Variants in HGSNAT observed in about 807,000 individuals in gnomAD.
HGSNAT encodes transmembrane protein 76.
HGSNAT carries 59 observed loss-of-function variants against 85.2 expected under a neutral mutation model. The ratio of observed to expected loss-of-function variants is 0.69; its 90% confidence interval spans 0.56 to 0.86. The LOEUF (loss-of-function observed/expected upper bound fraction) is 0.86. Among genes scored for constraint, HGSNAT ranks in the 40% least tolerant of loss-of-function variants. HGSNAT has a pLI of 0.00. For synonymous variants in HGSNAT, 321 were observed against 304.5 expected (o/e 1.05, Z -0.56); for missense variants, 756 against 777.1 (o/e 0.97, Z 0.32).
chr8:43,199,414 G>A lies in HGSNAT; in HGVS notation c.1753G>A (p.Gly585Ser), dbSNP rs376476836. ...AATGAATTCCATTCTGGTATATGTC[G>A]GCCACGAGGTGTTTGAGAACTACTT... ...PGMNSILVYV[G>S]HEVFENYFPF... The change falls in exon 18 of 18, where the codon GGC becomes AGC. Residue 585 changes from glycine (G) to serine (S), a missense_variant. Coordinates refer to ENST00000379644, the MANE Select transcript of HGSNAT (RefSeq NM_152419.3). 17 of 1,604,594 alleles carry A rather than the reference G, an allele frequency of 1.1e-5. No homozygotes were observed. The highest frequency in any genetic ancestry group is 1.6e-4 in the Middle Eastern group (1 of 6,072).
At chr8:43,160,443 C>T (rs1803234609) in intron 4 of HGSNAT, among the ~76,000 whole-genome samples, 3 of 152,224 alleles carry the variant, frequency 2.0e-5, no homozygotes, top group Non-Finnish European at 4.4e-5. Context: ...GCAACAGGTA[C>T]ACTTTCAGTG....
At chr8:43,170,371 G>A (rs1164306783) in intron 6 of HGSNAT, among the ~76,000 whole-genome samples, 1 of 151,860 alleles carries the variant, frequency 6.6e-6, no homozygotes, top group Non-Finnish European at 1.5e-5. Context: ...TCACAGCTAC[G>A]CAGGAGGCTG....
At chr8:43,174,489 C>T (rs966363103) in intron 9 of HGSNAT, among the ~76,000 whole-genome samples, 10 of 152,148 alleles carry the variant, frequency 6.6e-5, no homozygotes, top group African/African-American at 9.7e-5. Context: ...TGTCTCTGAT[C>T]ATTCATAGCT....
At chr8:43,157,542 GAGGC>G (rs1803129489) in intron 2 of HGSNAT, among the ~76,000 whole-genome samples, 1 of 152,154 alleles carries the variant, frequency 6.6e-6, no homozygotes, top group Admixed American at 6.6e-5. Context: ...TTGAGAGGCT[GAGGC>G]AGGTGCATCA....
rs1554537807 is a variant in HGSNAT at position 43,197,838 on chromosome 8, A to T, written c.1614-2A>T. ...CTGAAACGTCTCCTCCACCCCTCCC[A>T]GGTCCCTTTCGTATGTCACTACGCT... On this transcript the variant is annotated splice_acceptor_variant, in intron 16 of 17. Transcript: ENST00000379644. LOFTEE classifies it high-confidence loss of function. 6.2e-7 allele frequency: 1 copy of T among 1,612,708 alleles called. No homozygotes were observed. The highest frequency in any genetic ancestry group is 8.5e-7 in the Non-Finnish European group (1 of 1,178,682).
chr8:43,150,866 T>TAAATAAATAAATAAATAAAA (rs1345243473), intron 2 of HGSNAT, among the ~76,000 whole-genome samples: 10 of 137,372 alleles, frequency 7.3e-5, no homozygotes, highest in African/African-American at 2.6e-4. Flanking sequence ...AATAAATAAA[T>TAAATAAATAAATAAATAAAA]AAAATAAAAT....
chr8:43,201,810 A>C lies in HGSNAT; in HGVS notation c.*2241A>C, dbSNP rs777173718. On this transcript the variant is annotated 3_prime_UTR_variant, in exon 18 of 18. Transcript: ENST00000379644. This position sits in a 1 kb window ranked among gnomAD's most constrained non-coding sequence, Gnocchi z 4.4. ...CCTTCTACATTGCAGGCGCTGAATA[A>C]ACATTTTTAAAGCAAAATGATGTGG... The C allele has an allele frequency of 6.6e-6, 1 of 152,200 alleles. No individual in the cohort carries two copies. The highest frequency in any genetic ancestry group is 1.5e-5 in the Non-Finnish European group (1 of 68,054). The allele number at this position is 152,200 out of a possible 1,614,324, so 9.4% of individuals were successfully genotyped here.
intron 11 of HGSNAT, among the ~76,000 whole-genome samples, chr8:43,186,216 C>G (rs1793909051): frequency 6.6e-6 from 1 of 152,160 alleles, no homozygotes. Context: ...AGGAATGGTA[C>G]CAGCTCCTCT....
chr8:43,174,379 G>A (rs911172666), intron 9 of HGSNAT: 4 of 152,068 alleles, frequency 2.6e-5, no homozygotes, highest in African/African-American at 9.7e-5. Flanking sequence ...ATTTCCTGAA[G>A]AATTACAGTA....
chr8:43,145,777 A>G (rs1802695376), intron 1 of HGSNAT, among the ~76,000 whole-genome samples: 1 of 151,916 alleles, frequency 6.6e-6, no homozygotes, highest in Non-Finnish European at 1.5e-5. Flanking sequence ...AGAGGGATTG[A>G]GCTGGCTACG....
rs1198517105 is a variant in HGSNAT at position 43,199,975 on chromosome 8, A to G, written c.*406A>G. ...CCTTTCCACGTGTACGCGCACACCA[A>G]CACGAAATGCCATCACTCCTACTGC... is the stretch of plus-strand genomic sequence containing the variant. On this transcript the variant is annotated 3_prime_UTR_variant, in exon 18 of 18. Transcript: ENST00000379644. 1 of 155,528 alleles carries G rather than the reference A, an allele frequency of 6.4e-6. No individual in the cohort carries two copies. The highest frequency in any genetic ancestry group is 1.9e-4 in the East Asian group (1 of 5,328). 9.6% of individuals were successfully genotyped at this position (155,528 alleles called of 1,614,324 possible). A position where few individuals can be genotyped will look rare whatever the true frequency, so the allele number is the denominator to read the frequency against.
At chr8:43,144,042 G>A (rs1024920010) in intron 1 of HGSNAT, among the ~76,000 whole-genome samples, 2 of 152,184 alleles carry the variant, frequency 1.3e-5, no homozygotes, top group South Asian at 2.1e-4. Context: ...TCTTGGGCCC[G>A]GTGTGGTGGC....
Position 43,158,704 on chromosome 8 carries a change from G to A in HGSNAT, c.364G>A (p.Val122Ile), listed in dbSNP as rs763873805. The change falls in exon 3 of 18, where the codon GTT becomes ATT. Residue 122 changes from valine (V) to isoleucine (I), a missense_variant. Val to Ile is a conservative substitution (Grantham distance 29). Coordinates refer to ENST00000379644, the MANE Select transcript of HGSNAT (RefSeq NM_152419.3). ...QLNDTLEEKE[V>I]CRLEYRFGEF... ...GAACGACACCTTGGAAGAGAAAGAA[G>A]TTTGTAGGTTTGTGCCTGCTTTGTT... 5.6e-6 allele frequency: 9 copies of A among 1,601,232 alleles called. No individual in the cohort carries two copies. The highest frequency in any genetic ancestry group is 1.7e-5 in the Admixed American group (1 of 57,846).
chr8:43,166,572 G>A (rs1055916566), intron 5 of HGSNAT, among the ~76,000 whole-genome samples: 1 of 152,110 alleles, frequency 6.6e-6, no homozygotes, highest in Non-Finnish European at 1.5e-5. Flanking sequence ...GCCTACTGTC[G>A]AGACCTACTG....
At chr8:43,155,712 G>A (rs370627522) in intron 2 of HGSNAT, among the ~76,000 whole-genome samples, 1 of 152,138 alleles carries the variant, frequency 6.6e-6, no homozygotes, top group East Asian at 1.9e-4. Context: ...CATTTAAGCT[G>A]TTAATCCATT....
chr8:43,189,837 C>A (rs1804465767), intron 11 of HGSNAT, among the ~76,000 whole-genome samples: 1 of 152,214 alleles, frequency 6.6e-6, no homozygotes, highest in Admixed American at 6.5e-5. Context: ...TCGTGATCTG[C>A]CTGCCTTGGC....
intron 2 of HGSNAT, among the ~76,000 whole-genome samples, chr8:43,147,897 C>A (rs2130680583): frequency 6.6e-6 from 1 of 152,252 alleles, no homozygotes; most frequent in African/African-American, 2.4e-5. Context: ...ACAGTATACC[C>A]ATGTAACAAA....
At chr8:43,156,388 C>T (rs1211218375) in intron 2 of HGSNAT, among the ~76,000 whole-genome samples, 1 of 152,164 alleles carries the variant, frequency 6.6e-6, no homozygotes, top group Non-Finnish European at 1.5e-5. Context: ...TCACTGCAAC[C>T]TCCACCCCCT....
At chr8:43,184,618 T>C (rs1373952188) in intron 11 of HGSNAT, among the ~76,000 whole-genome samples, 1 of 152,258 alleles carries the variant, frequency 6.6e-6, no homozygotes, top group Non-Finnish European at 1.5e-5. Context: ...TTTCTTTTGC[T>C]GTGCAGAAGC....
Sources: gnomAD v4.1 joint callset for allele counts (sites outside exome capture counted in the v4.1 genomes callset) on GRCh38, gnomAD v4.1.1 for gene constraint, Gnocchi (gnomAD v3.1) non-coding constraint, MANE v1.5 for transcripts, NCBI Gene and HGNC (gene_info 2026-07-23, HGNC 2026-07-21) for gene names.